Variants in CYGB observed in about 807,000 individuals in gnomAD.
CYGB encodes cytoglobin.
CYGB carries 13 observed loss-of-function variants against 20.7 expected under a neutral mutation model. The ratio of observed to expected loss-of-function variants is 0.63; its 90% CI spans 0.41 to 1.00. The LOEUF (loss-of-function observed/expected upper bound fraction) is 1.00. Among genes scored for constraint, CYGB ranks in the 50% least tolerant of loss-of-function variants. The probability of loss-of-function intolerance (pLI) is 0.00; values close to 1 mark genes in which losing one functional copy is unlikely to be tolerated. For synonymous variants in CYGB, 93 were observed against 107.4 expected (o/e 0.87, Z 0.83); for missense variants, 218 against 257.2 (o/e 0.85, Z 1.04).
chr17:76,549,547 G>C (rs912181082), intron 1 of CYGB, among the ~76,000 whole-genome samples: 5 of 152,158 alleles, frequency 3.3e-5, no homozygotes, highest in African/African-American at 1.2e-4. Flanking sequence ...ACAACCACTT[G>C]GGAAACCAGC....
At chr17:76,543,413 A>T in intron 1 of CYGB, 3 of 336,954 alleles carry the variant, frequency 8.9e-6, no homozygotes, top group South Asian at 7.1e-5. Context: ...GAAGCAAGGG[A>T]CGGCTGATAG....
chr17:76,535,597 C>T (rs1236517126), intron 1 of CYGB, among the ~76,000 whole-genome samples: 1 of 152,158 alleles, frequency 6.6e-6, no homozygotes. Context: ...AGGGGTTACT[C>T]TGGGCACTGA....
intron 1 of CYGB, among the ~76,000 whole-genome samples, chr17:76,549,026 CA>C (rs2075082538): frequency 6.6e-6 from 1 of 152,142 alleles, no homozygotes; most frequent in African/African-American, 2.4e-5. Flanking sequence ...ACACACAGAT[CA>C]ATGGAATCCA....
chr17:76,529,689 T>C (rs1461736767), intron 3 of CYGB: 2 of 985,378 alleles, frequency 2.0e-6, no homozygotes, highest in East Asian at 2.3e-4. Flanking sequence ...TTCCCCTGTC[T>C]TTTCCCTGGA....
upstream of CYGB, among the ~76,000 whole-genome samples, chr17:76,541,709 C>T (rs1319989502): frequency 6.6e-6 from 1 of 152,180 alleles, no homozygotes; most frequent in Non-Finnish European, 1.5e-5. Context: ...GCTACAATGA[C>T]CACCCCTGGG....
At position 76,530,727 on chromosome 17, in the gene CYGB, G is replaced by A. The variant is rs908232053; in HGVS notation, c.539+252C>T. On this transcript the variant is annotated intron_variant, in intron 3 of 3. Transcript: ENST00000293230. The surrounding 1 kb of genome is among the most constrained non-coding windows in gnomAD (Gnocchi z 6.1). The stretch of plus-strand genomic sequence containing the variant: ...TGCTCTGAGCTCTCCCTGGCTCTAG[G>A]GAAGGGGAAGGCTCTTTGGGAGGAT... 6.6e-6 allele frequency among the ~76,000 whole-genome samples: 1 copy of A among 152,164 alleles called. No individual in the cohort carries two copies. The highest frequency in any genetic ancestry group is 2.4e-5 in the African/African-American group (1 of 41,438).
chr17:76,531,540 G>T lies in CYGB; in HGVS notation c.295C>A (p.Pro99Thr), dbSNP rs1286849990. The T allele has an allele frequency of 1.9e-6, 3 of 1,614,148 alleles. No homozygotes were observed. The East Asian group carries it at 6.7e-5, about 36-fold the overall frequency. ...GCGAGCACAGAGGACACCTTGTCGG[G>T]GTCATGCAGGTTCTCCACGACAGTG... Reference protein sequence around the residue: ...LNTVVENLHDPDKVSSVLALV... With the variant: ...LNTVVENLHDTDKVSSVLALV... The change falls in exon 2 of 4, where the codon CCC becomes ACC. Residue 99 changes from proline to threonine, a missense_variant. This residue lies in a region of CYGB where 152 missense variants were observed against 149.9 expected (regional missense o/e 1.01). Coordinates refer to ENST00000293230, the MANE Select transcript of CYGB (RefSeq NM_134268.5). The surrounding 1 kb of genome is among the most constrained non-coding windows in gnomAD (Gnocchi z 7.4).
chr17:76,529,135 C>T, intron 3 of CYGB: 2 of 981,806 alleles, frequency 2.0e-6, no homozygotes, highest in Non-Finnish European at 2.4e-6. Flanking sequence ...CCCTGCTTCC[C>T]TGATAAGAGA....
At chr17:76,534,140 TTCTC>T (rs2074885102) in intron 1 of CYGB, among the ~76,000 whole-genome samples, 3 of 102,318 alleles carry the variant, frequency 2.9e-5, no homozygotes, top group Non-Finnish European at 6.5e-5. Context: ...CTCTCTCTCT[TTCTC>T]TTTCTCTCTC....
At chr17:76,550,548 C>G (rs1476641412) in intron 1 of CYGB, 1 of 152,274 alleles carries the variant, frequency 6.6e-6, no homozygotes, top group African/African-American at 2.4e-5. Flanking sequence ...AGGCATGAGC[C>G]ACCGCACCCG....
chr17:76,534,791 C>T (rs148543015), intron 1 of CYGB, among the ~76,000 whole-genome samples: 37 of 152,344 alleles, frequency 2.4e-4, no homozygotes, highest in African/African-American at 8.4e-4. Context: ...GCCTCAACAC[C>T]CACCACCGGG....
intron 1 of CYGB, among the ~76,000 whole-genome samples, chr17:76,536,005 C>A (rs2143113645): frequency 6.6e-6 from 1 of 152,306 alleles, no homozygotes; most frequent in East Asian, 1.9e-4. Context: ...AGGACGCAGT[C>A]TGGCACATCT....
intron 3 of CYGB, chr17:76,529,767 C>T (rs766037548): frequency 1.9e-5 from 19 of 985,242 alleles, no homozygotes; most frequent in Non-Finnish European, 8.4e-6. Context: ...CCAGTGCCCT[C>T]CTCTGGTGGG....
chr17:76,532,688 C>T (rs548821504), intron 1 of CYGB, among the ~76,000 whole-genome samples: 7 of 152,048 alleles, frequency 4.6e-5, no homozygotes, highest in African/African-American at 7.2e-5. Flanking sequence ...TCCATCACCA[C>T]GCCCGGCTAG....
intron 1 of CYGB, chr17:76,543,319 A>G (rs2075014320): frequency 8.7e-6 from 3 of 345,488 alleles, no homozygotes; most frequent in South Asian, 6.8e-5. Context: ...AGGATGAGGG[A>G]CTTGCTGGGT....
intron 1 of CYGB, among the ~76,000 whole-genome samples, chr17:76,536,277 C>G (rs1000985664): frequency 9.9e-5 from 15 of 152,166 alleles, no homozygotes; most frequent in African/African-American, 2.4e-4. Flanking sequence ...GGAGCTGGGT[C>G]GGTCCCAGGC....
Position 76,546,815 on chromosome 17 carries a change from A to C in CYGB, c.-53+4047T>G, listed in dbSNP as rs1029165018. 7 of 152,168 alleles carry C rather than the reference A, an allele frequency of 4.6e-5. No homozygotes were observed. Among genetic ancestry groups the C allele is most frequent in the African/African-American group, 4.8e-5 (2 of 41,422 alleles). The allele number at this position is 152,168 out of a possible 1,614,324, so 9.4% of individuals were successfully genotyped here. A position where few individuals can be genotyped will look rare whatever the true frequency, so the allele number is the denominator to read the frequency against. ...CTGTGCCAGCTGCTGTATTTTACGCACTGTTTCATTTATGCGGCAGGAACT... is the reference window on the plus strand; with the variant it reads ...CTGTGCCAGCTGCTGTATTTTACGCCCTGTTTCATTTATGCGGCAGGAACT... On this transcript the variant is annotated intron_variant, in intron 1 of 3. Coordinates refer to the CYGB transcript ENST00000589145. The surrounding 1 kb of genome is among the most constrained non-coding windows in gnomAD (Gnocchi z 4.5).
rs1190150343 is a variant in CYGB, at chr17:76,531,167, A to G, written c.376-25T>C. ...TCTGGGGGCAAAGGGAGGAAGGGGG[A>G]GTGAACGCCCGGGCGCCCTGCGTCC... On this transcript the variant is annotated intron_variant, in intron 2 of 3. Transcript: ENST00000293230. The surrounding 1 kb of genome is among the most constrained non-coding windows in gnomAD (Gnocchi z 7.4). 1.2e-6 allele frequency: 2 copies of G among 1,604,478 alleles called. No homozygotes were observed. Among genetic ancestry groups the G allele is most frequent in the Non-Finnish European group, 1.7e-6 (2 of 1,173,828 alleles).
In CYGB at chr17:76,534,114, C is replaced by T. The variant is rs916434707; in HGVS notation, c.144-2423G>A. 2.0e-3 allele frequency among the ~76,000 whole-genome samples: 287 copies of T among 146,578 alleles called. 1 individual carries two copies. The highest frequency in any genetic ancestry group is 6.3e-3 in the African/African-American group (253 of 40,046). On this transcript the variant is annotated intron_variant, in intron 1 of 3. Coordinates refer to ENST00000293230, the MANE Select transcript of CYGB (RefSeq NM_134268.5). ...CCTTTTTTCTTTTTCTTTCTTTCTT[C>T]TTTCTTTCTTTCTTTCTCTCTCTCT... is the stretch of plus-strand genomic sequence containing the variant.
Sources: allele counts gnomAD v4.1 joint callset (sites outside exome capture counted in the v4.1 genomes callset), GRCh38; gene constraint gnomAD v4.1.1; regional missense constraint gnomAD v4.1.1; non-coding constraint Gnocchi (gnomAD v3.1); transcripts MANE v1.5; gene names NCBI Gene and HGNC (gene_info 2026-07-23, HGNC 2026-07-21).